ADGRV1: variants seen among roughly 807,000 people sequenced by gnomAD.
The protein encoded by ADGRV1 is adhesion G protein-coupled receptor V1, also known as G-protein coupled receptor 98.
In ADGRV1, 359 loss-of-function variants were observed where a neutral mutation model predicts 596.2. The ratio of observed to expected loss-of-function variants is 0.60; its 90% CI spans 0.55 to 0.66. ADGRV1 has a LOEUF of 0.66. ADGRV1 is among the 30% of genes least tolerant of loss of function. The pLI is 0.00. For synonymous variants in ADGRV1, 2,681 were observed against 2,679.2 expected, an observed-to-expected ratio of 1.00 and a Z score of -0.02; for missense variants, 7,274 against 7,575.6, an observed-to-expected ratio of 0.96 and a Z score of 1.48.
chr5:90,821,569 G>A (rs1763511107), intron 75 of ADGRV1, among the ~76,000 whole-genome samples: 1 of 151,118 alleles, frequency 6.6e-6, no homozygotes, highest in Non-Finnish European at 1.5e-5. Flanking sequence ...GGTCTTTGAT[G>A]ATGATGATGT....
chr5:90,582,674 C>T (rs536784750), intron 1 of ADGRV1, among the ~76,000 whole-genome samples: 2 of 152,186 alleles, frequency 1.3e-5, no homozygotes, highest in African/African-American at 4.8e-5. Flanking sequence ...AAGAGATTAT[C>T]CTGCCTCATT....
intron 28 of ADGRV1, among the ~76,000 whole-genome samples, 184 bp downstream of exon 28, chr5:90,684,379 T>C (rs1279143287): frequency 6.6e-6 from 1 of 152,206 alleles, no homozygotes; most frequent in Non-Finnish European, 1.5e-5. Flanking sequence ...TTAGAAATTA[T>C]GTTTTAAAAG....
chr5:90,692,819 T>C, intron 32 of ADGRV1, 33 bp downstream of exon 32: 2 of 1,511,346 alleles, frequency 1.3e-6, no homozygotes, highest in East Asian at 2.4e-5. Flanking sequence ...TCTGTGGGAG[T>C]GATGAGAATT....
chr5:90,930,569 A>G (rs1339171612), intron 83 of ADGRV1, among the ~76,000 whole-genome samples: 2 of 152,110 alleles, frequency 1.3e-5, no homozygotes, highest in Non-Finnish European at 2.9e-5. Context: ...TGTCTTTTTT[A>G]ACCAAAGAAA....
chr5:90,908,388 G>A (rs554782876), intron 83 of ADGRV1, among the ~76,000 whole-genome samples: 13 of 152,160 alleles, frequency 8.5e-5, no homozygotes, highest in Admixed American at 1.3e-4. Flanking sequence ...TCAATTGTAC[G>A]CTTAGTTAAT....
At chr5:90,741,210 CTA>C (rs758917047) in intron 50 of ADGRV1, among the ~76,000 whole-genome samples, 64 of 152,262 alleles carry the variant, frequency 4.2e-4, no homozygotes, top group Non-Finnish European at 6.9e-4. Flanking sequence ...TCTACCTGGA[CTA>C]TTACATCACT....
rs1752874986 is a variant in ADGRV1 at position 90,733,892 on chromosome 5, A to G, written c.10549+4128A>G. On this transcript the variant is annotated intron_variant, in intron 50 of 89. Transcript: ENST00000405460. ...CTCAAAAATTCCTCCTGTCTAGCCA[A>G]AATTTTGTACCTTTTGACCACCAAC... Among the ~76,000 whole-genome samples, 4 of 152,114 alleles carry G rather than the reference A, an allele frequency of 2.6e-5. No individual in the cohort carries two copies. In the South Asian group the frequency reaches 8.3e-4, roughly 32 times the overall value.
chr5:90,911,984 C>G (rs1772929357), intron 83 of ADGRV1, among the ~76,000 whole-genome samples: 1 of 152,036 alleles, frequency 6.6e-6, no homozygotes, highest in East Asian at 1.9e-4. Context: ...GTACTGGGTT[C>G]AAATCTTGGC....
intron 83 of ADGRV1, among the ~76,000 whole-genome samples, chr5:90,951,852 C>T (rs1244746226): frequency 1.3e-5 from 2 of 152,030 alleles, no homozygotes; most frequent in Non-Finnish European, 2.9e-5. Flanking sequence ...TTCATGAAAT[C>T]CAAGTTATAA....
At chr5:90,595,231 C>A (rs1760176785) in intron 1 of ADGRV1, among the ~76,000 whole-genome samples, 1 of 46,694 alleles carries the variant, frequency 2.1e-5, no homozygotes, top group African/African-American at 1.1e-4. Context: ...CCACCTCCTT[C>A]CCGGACGGGG....
chr5:91,022,669 C>T (rs1193492209), intron 85 of ADGRV1, among the ~76,000 whole-genome samples: 1 of 152,096 alleles, frequency 6.6e-6, no homozygotes, highest in Non-Finnish European at 1.5e-5. Flanking sequence ...ATGGCTAACA[C>T]CCATTTACAG....
intron 85 of ADGRV1, among the ~76,000 whole-genome samples, chr5:90,998,438 C>T (rs1400285083): frequency 2.0e-5 from 3 of 151,900 alleles, no homozygotes; most frequent in African/African-American, 7.3e-5. Context: ...GTATGTAATA[C>T]CCTGTATCGG....
intron 85 of ADGRV1, among the ~76,000 whole-genome samples, chr5:91,042,518 C>T (rs1785447348): frequency 6.6e-6 from 1 of 152,070 alleles, no homozygotes; most frequent in South Asian, 2.1e-4. Flanking sequence ...AAGGTTATTT[C>T]AAATTGCACA....
intron 25 of ADGRV1, 106 bp from the exon 26 acceptor site, chr5:90,679,443 A>G: frequency 3.0e-6 from 2 of 662,610 alleles, no homozygotes; most frequent in Non-Finnish European, 5.3e-6. Flanking sequence ...TATTGGGTGA[A>G]TATTACTGCA....
chr5:90,674,365 T>C (rs1226618360), intron 23 of ADGRV1, 131 bp downstream of exon 23: 2 of 513,908 alleles, frequency 3.9e-6, no homozygotes, highest in African/African-American at 3.9e-5. Flanking sequence ...TCTAAACTCT[T>C]TAACTTGTAT....
rs1049843658 is a variant in ADGRV1 at position 90,681,402 on chromosome 5, T to C, written c.5612T>C (p.Leu1871Pro). 9.3e-6 allele frequency: 15 copies of C among 1,613,772 alleles called. No individual in the cohort carries two copies. The African/African-American group carries it at 1.9e-4, about 20-fold the overall frequency. Residue 1871 changes from leucine (L) to proline (P), a missense_variant, in exon 27 of 90, where the codon CTC (leucine) becomes CCC (proline). Physicochemically the swap from Leu to Pro is moderately conservative, Grantham distance 98. Coordinates refer to ENST00000405460, the MANE Select transcript of ADGRV1 (RefSeq NM_032119.4). Reference protein sequence around the residue: ...HGVFEFSPESLFVSGTEPEDG... With the variant: ...HGVFEFSPESPFVSGTEPEDG... Reference sequence around the variant, plus strand: ...GTATTTGAATTTAGCCCTGAGTCACTCTTTGTCAGTGGAACTGAACCAGAA... The same window carrying C: ...GTATTTGAATTTAGCCCTGAGTCACCCTTTGTCAGTGGAACTGAACCAGAA...
chr5:90,665,158 C>G (rs369271255), intron 21 of ADGRV1, among the ~76,000 whole-genome samples: 9,135 of 150,922 alleles, frequency 0.061, 407 homozygotes, highest in Non-Finnish European at 0.088. Context: ...CCCTCTTTTT[C>G]TATTGATTGG....
At chr5:90,595,361 G>A (rs1376123149) in intron 1 of ADGRV1, among the ~76,000 whole-genome samples, 7 of 45,154 alleles carry the variant, frequency 1.6e-4, no homozygotes, top group East Asian at 6.9e-4. Context: ...CCTCCCTCCC[G>A]GACGGGGCGG....
intron 83 of ADGRV1, among the ~76,000 whole-genome samples, chr5:90,961,010 C>T (rs900432430): frequency 4.6e-5 from 7 of 152,108 alleles, no homozygotes; most frequent in Admixed American, 3.9e-4. Context: ...TTGCTCCATA[C>T]CCTGCTACAA....
Sources: allele counts gnomAD v4.1 joint callset (sites outside exome capture counted in the v4.1 genomes callset), GRCh38; gene constraint gnomAD v4.1.1; transcripts MANE v1.5; gene names NCBI Gene and HGNC (gene_info 2026-07-23, HGNC 2026-07-21).